The following BDP1 variants were observed in gnomAD, a reference collection of about 807,000 sequenced individuals.
BDP1 encodes transcription factor TFIIIB component B'' homolog.
Under a neutral mutation model 266.6 loss-of-function variants are expected in BDP1, and 169 were observed. The observed-to-expected ratio is 0.63, with a 90% confidence interval of 0.56 to 0.72. The LOEUF (loss-of-function observed/expected upper bound fraction) is 0.72, where lower values mean the gene tolerates loss of function less well. Among genes scored for constraint, BDP1 ranks in the 30% least tolerant of loss-of-function variants. The pLI is 0.00. For missense variants in BDP1, 3,015 were observed against 3,053.8 expected (o/e 0.99, Z 0.30); for synonymous variants, 1,090 against 1,022.4 (o/e 1.07, Z -1.26).
intron 26 of BDP1, among the ~76,000 whole-genome samples, chr5:71,536,316 C>T (rs1766593293): frequency 6.6e-6 from 1 of 152,184 alleles, no homozygotes; most frequent in Non-Finnish European, 1.5e-5. Flanking sequence ...CATTAAAAGG[C>T]TATCAAGTAC....
At chr5:71,551,977 C>G (rs1448526785) in intron 34 of BDP1, among the ~76,000 whole-genome samples, 2 of 147,788 alleles carry the variant, frequency 1.4e-5, no homozygotes, top group Non-Finnish European at 3.0e-5. Flanking sequence ...CCCTCCCGGA[C>G]GGGGCGGCTG....
At chr5:71,567,976 T>C (rs138050096), downstream of BDP1, among the ~76,000 whole-genome samples, 3,563 of 151,948 alleles carry the variant, frequency 0.023, 67 homozygotes, top group South Asian at 0.073. Flanking sequence ...ACCTCATCTC[T>C]ACAAAAAAAT....
At chr5:71,537,776 T>C (rs1024238000) in intron 26 of BDP1, 2 of 168,074 alleles carry the variant, frequency 1.2e-5, no homozygotes, top group African/African-American at 4.8e-5. Flanking sequence ...TAGCTGACAG[T>C]CATACTAATC....
chr5:71,469,841 T>C (rs1037211181), intron 6 of BDP1, among the ~76,000 whole-genome samples: 8 of 116,670 alleles, frequency 6.9e-5, no homozygotes, highest in Non-Finnish European at 1.3e-4. Context: ...GGTCTCAAAC[T>C]CTTTTTTTTT....
rs561428841 is a variant in BDP1, at chr5:71,476,563, CAG to C, written c.1014+6077_1014+6078del. On this transcript the variant is annotated intron_variant, in intron 7 of 38. Transcript: ENST00000358731. Reference sequence around the variant, plus strand: ...ACTTTTTTTTCCCTTTTTTTTTAGACAGAGTCTCGCTCTGTCATCCAGGCTGG... The same window carrying C: ...ACTTTTTTTTCCCTTTTTTTTTAGACAGTCTCGCTCTGTCATCCAGGCTGG... Among the ~76,000 whole-genome samples, 332 of 150,646 alleles carry C rather than the reference CAG, an allele frequency of 2.2e-3. 1 individual carries two copies. The highest frequency in any genetic ancestry group is 7.0e-3 in the African/African-American group (286 of 40,984).
intron 7 of BDP1, 108 bp downstream of exon 7, chr5:71,470,597 T>A (rs546741319): frequency 1.2e-5 from 9 of 769,716 alleles, no homozygotes; most frequent in Non-Finnish European, 1.9e-5. Flanking sequence ...TCTTTTTTTT[T>A]TTTTTCATTG....
chr5:71,564,031 T>C (rs1475788334), intron 38 of BDP1, among the ~76,000 whole-genome samples: 1 of 152,270 alleles, frequency 6.6e-6, no homozygotes, highest in East Asian at 1.9e-4. Flanking sequence ...TTGATCCATC[T>C]AGAATTTGTT....
chr5:71,489,590 A>C lies in BDP1; in HGVS notation c.1400A>C (p.Lys467Thr). 6.2e-7 allele frequency: 1 copy of C among 1,614,146 alleles called. No homozygotes were observed. The highest frequency in any genetic ancestry group is 8.5e-7 in the Non-Finnish European group (1 of 1,180,000). ...CTAAATCAAAAGAAAAGAAGGAGGAAGAAGCAAGATGGAGCTAATGAACTG... is the reference window on the plus strand; with the variant it reads ...CTAAATCAAAAGAAAAGAAGGAGGACGAAGCAAGATGGAGCTAATGAACTG... ...VDLNQKKRRR[K>T]KQDGANELGV... Residue 467 changes from lysine to threonine, a missense_variant, in exon 10 of 39, where the codon AAG becomes ACG. Lys to Thr is a moderately conservative substitution (Grantham distance 78, BLOSUM62 -1). Transcript: ENST00000358731.
intron 37 of BDP1, 119 bp downstream of exon 37, chr5:71,560,356 T>A: frequency 1.8e-6 from 2 of 1,106,034 alleles, no homozygotes; most frequent in African/African-American, 1.6e-5. Context: ...CCTCCATCAG[T>A]AATGTAAAGG....
chr5:71,548,604 A>G (rs1019426992), intron 32 of BDP1, 78 bp from the exon 33 acceptor site: 7 of 865,822 alleles, frequency 8.1e-6, no homozygotes, highest in Admixed American at 5.4e-5. Flanking sequence ...TCTCTTCACT[A>G]TATCATATTG....
At chr5:71,504,288 G>GA (rs1314127467) in intron 15 of BDP1, among the ~76,000 whole-genome samples, 2 of 136,320 alleles carry the variant, frequency 1.5e-5, no homozygotes, top group Non-Finnish European at 1.6e-5. Context: ...AAAAAAAAAA[G>GA]AAAAAAAAAT....
Position 71,517,335 on chromosome 5 carries a change from T to C in BDP1, c.4874T>C (p.Ile1625Thr). Residue 1625 changes from isoleucine (I) to threonine (T), a missense_variant, in exon 22 of 39, where the codon ATT (isoleucine) becomes ACT (threonine). Coordinates refer to ENST00000358731, the MANE Select transcript of BDP1 (RefSeq NM_018429.3). ...KKVLTVSNSQ[I>T]ETEIEVPSSA... Reference sequence around the variant, plus strand: ...TTGTCTTTTCAGTCAAATTCTCAAATTGAAACTGAAATTGAAGTTCCATCG... The same window carrying C: ...TTGTCTTTTCAGTCAAATTCTCAAACTGAAACTGAAATTGAAGTTCCATCG... The C allele has an allele frequency of 6.3e-7, 1 of 1,599,546 alleles. No homozygotes were observed. The highest frequency in any genetic ancestry group is 1.1e-5 in the South Asian group (1 of 87,068).
the BDP1 span, among the ~76,000 whole-genome samples, chr5:71,576,031 C>T: frequency 3.9e-5 from 6 of 152,274 alleles, no homozygotes; most frequent in Non-Finnish European, 7.4e-5. Flanking sequence ...AGAGTCACGA[C>T]GACATCAACC....
intron 15 of BDP1, 52 bp from the exon 16 acceptor site, chr5:71,504,569 T>G: frequency 6.6e-7 from 1 of 1,519,770 alleles, no homozygotes; most frequent in Non-Finnish European, 9.0e-7. Context: ...ATGAAATCTG[T>G]TATGCCTCAT....
At chr5:71,483,935 G>A in intron 8 of BDP1, 39 bp downstream of exon 8, 1 of 1,500,608 alleles carries the variant, frequency 6.7e-7, no homozygotes, top group East Asian at 2.3e-5. Context: ...ATTACTTGAA[G>A]AGCCTAAAAA....
rs146433382 is a variant in BDP1, at chr5:71,530,954, G to A, written c.5773-1354G>A. On this transcript the variant is annotated intron_variant, in intron 25 of 38. Coordinates refer to ENST00000358731, the MANE Select transcript of BDP1 (RefSeq NM_018429.3). ...TTAGGCATGGTGGCACATGCCTGTA[G>A]TCCCAGCTACTTGGAGGGCTGAGGC... Among the ~76,000 whole-genome samples the A allele has an allele frequency of 3.1e-4, 47 of 152,214 alleles. No individual in the cohort carries two copies. In the East Asian group the frequency reaches 8.9e-3, roughly 29 times the overall value.
intron 33 of BDP1, 141 bp from the exon 34 acceptor site, chr5:71,549,279 G>A (rs192682317): frequency 1.4e-6 from 1 of 703,356 alleles, no homozygotes; most frequent in Admixed American, 3.2e-5. Context: ...TCAGGCTGGG[G>A]GGTTGTTGGG....
chr5:71,528,633 AT>A (rs772987268), intron 25 of BDP1, among the ~76,000 whole-genome samples: 22 of 152,368 alleles, frequency 1.4e-4, no homozygotes, highest in Non-Finnish European at 2.8e-4. Flanking sequence ...GTAAAGTCAC[AT>A]TTATGAAGGG....
chr5:71,459,224 AG>A (rs1294162703), intron 2 of BDP1, among the ~76,000 whole-genome samples: 3 of 152,220 alleles, frequency 2.0e-5, no homozygotes, highest in African/African-American at 7.2e-5. Context: ...AATTAAGACA[AG>A]TATAGGCCGG....
Sources: allele counts gnomAD v4.1 joint callset (sites outside exome capture counted in the v4.1 genomes callset), GRCh38; gene constraint gnomAD v4.1.1; transcripts MANE v1.5; gene names NCBI Gene and HGNC (gene_info 2026-07-23, HGNC 2026-07-21).